The following DEPDC4 variants were observed in gnomAD, a reference collection of about 807,000 sequenced individuals.
DEPDC4 encodes the protein DEP domain-containing protein 4.
In DEPDC4, 52 loss-of-function variants were observed where a neutral mutation model predicts 52.0. The ratio of observed to expected loss-of-function variants is 1.00; its 90% confidence interval spans 0.80 to 1.26. The LOEUF (loss-of-function observed/expected upper bound fraction) is 1.26, where lower values mean the gene tolerates loss of function less well. Ranked by LOEUF, DEPDC4 falls within the 50% of genes most tolerant of loss-of-function variation. The pLI is 0.00. For synonymous variants in DEPDC4, 201 were observed against 196.8 expected (o/e 1.02, Z -0.18); for missense variants, 530 against 546.9 (o/e 0.97, Z 0.31).
At chr12:100,235,724 G>A (rs1337109944), downstream of DEPDC4, among the ~76,000 whole-genome samples, 3 of 152,050 alleles carry the variant, frequency 2.0e-5, no homozygotes, top group Admixed American at 6.6e-5. Context: ...ACAGGTGCCC[G>A]CCACTGCGCC....
intron 9 of DEPDC4, among the ~76,000 whole-genome samples, chr12:100,233,508 T>C (rs2096137292): frequency 6.6e-6 from 1 of 152,218 alleles, no homozygotes; most frequent in Admixed American, 6.5e-5. Flanking sequence ...ACGTTGTTAA[T>C]GTCATGTTTA....
chr12:100,279,854 A>G, the DEPDC4 span, among the ~76,000 whole-genome samples: 1 of 152,250 alleles, frequency 6.6e-6, no homozygotes, highest in Non-Finnish European at 1.5e-5. Context: ...GTGTCACACT[A>G]TGCATAAGCA....
chr12:100,254,743 C>CA (rs1340370769), intron 4 of DEPDC4, among the ~76,000 whole-genome samples: 11 of 151,798 alleles, frequency 7.2e-5, no homozygotes, highest in Non-Finnish European at 1.2e-4. Flanking sequence ...TTAAATATGA[C>CA]AGAGGGTCTT....
At chr12:100,270,892 A>G (rs936403256), upstream of DEPDC4, among the ~76,000 whole-genome samples, 4 of 151,898 alleles carry the variant, frequency 2.6e-5, no homozygotes, top group Non-Finnish European at 5.9e-5. Flanking sequence ...CTTTTCATCT[A>G]GTAGGTACCC....
chr12:100,250,935 T>C (rs913995578), intron 7 of DEPDC4, among the ~76,000 whole-genome samples: 12 of 152,162 alleles, frequency 7.9e-5, no homozygotes, highest in African/African-American at 2.9e-4. Context: ...ATATGTTTCA[T>C]TCAAAATTCA....
upstream of DEPDC4, among the ~76,000 whole-genome samples, chr12:100,271,009 G>A (rs989677252): frequency 6.6e-6 from 1 of 151,794 alleles, no homozygotes; most frequent in Non-Finnish European, 1.5e-5. Flanking sequence ...GCTTAACTAT[G>A]TCTGATAATT....
At chr12:100,272,530 C>T in the DEPDC4 span, among the ~76,000 whole-genome samples, 732 of 152,182 alleles carry the variant, frequency 4.8e-3, 7 homozygotes, top group Middle Eastern at 0.02. Flanking sequence ...TCAGTCTGGA[C>T]GGTTTTTTCT....
At chr12:100,262,954 C>A (rs1431759202) in intron 2 of DEPDC4, among the ~76,000 whole-genome samples, 1 of 152,130 alleles carries the variant, frequency 6.6e-6, no homozygotes, top group Admixed American at 6.5e-5. Flanking sequence ...TAATTCACAT[C>A]CCATAAAATT....
At chr12:100,251,347 G>A (rs2096206955) in intron 7 of DEPDC4, among the ~76,000 whole-genome samples, 1 of 152,050 alleles carries the variant, frequency 6.6e-6, no homozygotes, top group African/African-American at 2.4e-5. Context: ...ATATAATAGT[G>A]AGGCTAAAAA....
chr12:100,260,181 C>T (rs935697437), intron 3 of DEPDC4, among the ~76,000 whole-genome samples: 3 of 151,800 alleles, frequency 2.0e-5, no homozygotes, highest in Non-Finnish European at 2.9e-5. Flanking sequence ...AGTGCAAAGG[C>T]GCGATCTCCA....
At chr12:100,261,656 T>C (rs2096254006) in intron 3 of DEPDC4, 4 of 455,596 alleles carry the variant, frequency 8.8e-6, no homozygotes, top group Non-Finnish European at 1.8e-5. Context: ...GTGCAGACTA[T>C]AGCACCTCCA....
At position 100,263,687 on chromosome 12, in the gene DEPDC4, G is replaced by A. The variant is rs537736156; in HGVS notation, c.364C>T (p.His122Tyr). ...TGATTCATTAGAACTTGGCAAAGAT[G>A]AACCCCTTTAAGACAAGAGATGTCA... Reference protein sequence around the residue: ...SNDISCLKGVHLCQVLMNHKV... With the variant: ...SNDISCLKGVYLCQVLMNHKV... The change falls in exon 2 of 10, where the codon CAT becomes TAT. Residue 122 changes from histidine to tyrosine, a missense_variant. His to Tyr is a moderately conservative substitution (Grantham distance 83). Transcript: ENST00000550587. The A allele has an allele frequency of 1.2e-6, 2 of 1,614,038 alleles. No homozygotes were observed. Among genetic ancestry groups the A allele is most frequent in the South Asian group, 1.1e-5 (1 of 91,062 alleles).
At chr12:100,249,469 C>T (rs947717843) in intron 7 of DEPDC4, among the ~76,000 whole-genome samples, 2 of 152,114 alleles carry the variant, frequency 1.3e-5, no homozygotes, top group Admixed American at 6.5e-5. Context: ...GGCAACACAG[C>T]GAGATCCCAT....
At chr12:100,261,521 A>C (rs1164057123) in intron 3 of DEPDC4, among the ~76,000 whole-genome samples, 1 of 152,196 alleles carries the variant, frequency 6.6e-6, no homozygotes, top group Non-Finnish European at 1.5e-5. Context: ...TGTTCTGAGA[A>C]AGGGAAAGAG....
chr12:100,253,562 G>A lies in DEPDC4; in HGVS notation c.1032C>T (p.Tyr344=), dbSNP rs1054275071. 13 of 1,288,554 alleles carry A rather than the reference G, an allele frequency of 1.0e-5. No individual in the cohort carries two copies. The African/African-American group carries it at 1.7e-4, about 17-fold the overall frequency. 79.8% of individuals were successfully genotyped at this position (1,288,554 alleles called of 1,614,324 possible). ...KKILFDVIAK[Y]YAQERDCLLT... ...ATAGGCAATCTCTCTCTTGAGCATA[G>A]TATTTTGCTATGACATCAAAGAGTA... is the stretch of plus-strand genomic sequence containing the variant. The change falls in exon 5 of 10, where the codon TAC becomes TAT. Residue 344 remains tyrosine, a synonymous_variant. Transcript: ENST00000550587.
chr12:100,246,125 T>G (rs887837753), intron 8 of DEPDC4, among the ~76,000 whole-genome samples: 16 of 147,934 alleles, frequency 1.1e-4, no homozygotes, highest in African/African-American at 3.5e-4. Flanking sequence ...ACGCCTGGGT[T>G]TTTTTTTTTT....
At chr12:100,254,355 T>C (rs1175935217) in intron 4 of DEPDC4, among the ~76,000 whole-genome samples, 2 of 146,280 alleles carry the variant, frequency 1.4e-5, no homozygotes, top group Non-Finnish European at 3.0e-5. Context: ...AGGCAGCATC[T>C]TACTCTGTTG....
chr12:100,261,931 T>G lies in DEPDC4; in HGVS notation c.700+333A>C, dbSNP rs143403388. Among the ~76,000 whole-genome samples the G allele has an allele frequency of 1.8e-3, 273 of 152,360 alleles. 1 individual carries two copies. The highest frequency in any genetic ancestry group is 6.2e-3 in the African/African-American group (256 of 41,588). Reference sequence around the variant, plus strand: ...CAGAGAATTTTTAGGGCACTGAAACTATTCTGTATGATACTATAATGACAG... The same window carrying G: ...CAGAGAATTTTTAGGGCACTGAAACGATTCTGTATGATACTATAATGACAG... On this transcript the variant is annotated intron_variant, in intron 3 of 9. Coordinates refer to ENST00000550587, the MANE Select transcript of DEPDC4 (RefSeq NM_001364818.2).
intron 8 of DEPDC4, among the ~76,000 whole-genome samples, chr12:100,244,828 G>GA (rs1223650306): frequency 2.7e-5 from 4 of 149,774 alleles, no homozygotes; most frequent in Non-Finnish European, 5.9e-5. Context: ...TTGCCCTGCT[G>GA]AAAATCTCAA....
Sources: allele counts gnomAD v4.1 joint callset (sites outside exome capture counted in the v4.1 genomes callset), GRCh38; gene constraint gnomAD v4.1.1; transcripts MANE v1.5; gene names NCBI Gene and HGNC (gene_info 2026-07-23, HGNC 2026-07-21).